LCP1: variants seen among roughly 807,000 people sequenced by gnomAD.
The protein encoded by LCP1 is plastin-2.
A neutral mutation model predicts 72.0 loss-of-function variants in LCP1; 23 were observed. That is an observed-to-expected ratio of 0.32 (90% confidence interval 0.23 to 0.45). The LOEUF (loss-of-function observed/expected upper bound fraction) is 0.45. Ranked by LOEUF, LCP1 falls within the 20% of genes least tolerant of loss-of-function variation. The pLI is 1.00. For synonymous variants in LCP1, 245 were observed against 275.4 expected, an observed-to-expected ratio of 0.89 and a Z score of 1.09; for missense variants, 571 against 748.3, an observed-to-expected ratio of 0.76 and a Z score of 2.76.
rs778844660 is a variant in LCP1 at position 46,159,626 on chromosome 13, C to T, written c.37G>A (p.Glu13Lys). Residue 13 changes from glutamate (E) to lysine (K), a missense_variant, in exon 2 of 16, where the codon GAG (glutamate) becomes AAG (lysine). Coordinates refer to ENST00000323076, the MANE Select transcript of LCP1 (RefSeq NM_002298.5). ...RGSVSDEEMM[E>K]LREAFAKVDT... is the part of the protein sequence containing the mutation. ...ACTTTGGCAAAAGCTTCTCTGAGCT[C>T]CATCATTTCCTCATCGGACACTGAT... 6.2e-7 allele frequency: 1 copy of T among 1,614,116 alleles called. No homozygotes were observed. Among genetic ancestry groups the T allele is most frequent in the South Asian group, 1.1e-5 (1 of 91,082 alleles).
rs777192347 is a variant in LCP1 at position 46,143,312 on chromosome 13, T to C, written c.1346A>G (p.Lys449Arg). The C allele has an allele frequency of 1.2e-6, 2 of 1,613,400 alleles. No homozygotes were observed. The highest frequency in any genetic ancestry group is 2.2e-5 in the South Asian group (2 of 91,074). ...TACCTTCTTCATATTGCCTCCCAGTTTGGGGTATGGCGGTTTGTTTACTCT... is the reference window on the plus strand; with the variant it reads ...TACCTTCTTCATATTGCCTCCCAGTCTGGGGTATGGCGGTTTGTTTACTCT... ...WNRVNKPPYP[K>R]LGGNMKKLEN... is the part of the protein sequence containing the mutation. The change falls in exon 12 of 16, where the codon AAA (lysine) becomes AGA (arginine). Residue 449 changes from lysine (K) to arginine (R), a missense_variant. Transcript: ENST00000323076.
At chr13:46,167,560 T>A (rs1001597960) in intron 1 of LCP1, among the ~76,000 whole-genome samples, 2 of 152,192 alleles carry the variant, frequency 1.3e-5, no homozygotes, top group Admixed American at 6.5e-5. Context: ...ATGCTCCTGA[T>A]ACTAACATCT....
chr13:46,167,355 T>A (rs1044103880), intron 1 of LCP1, among the ~76,000 whole-genome samples: 1 of 152,212 alleles, frequency 6.6e-6, no homozygotes, highest in African/African-American at 2.4e-5. Flanking sequence ...TGTCGCCAGC[T>A]AAGGAGTTCT....
chr13:46,150,658 T>A (rs377239539), intron 8 of LCP1, among the ~76,000 whole-genome samples: 1 of 152,192 alleles, frequency 6.6e-6, no homozygotes, highest in Non-Finnish European at 1.5e-5. Flanking sequence ...GACAGCAGAC[T>A]GTTCTCTTGC....
At chr13:46,141,092 T>C (rs2045694672) in intron 13 of LCP1, among the ~76,000 whole-genome samples, 1 of 151,794 alleles carries the variant, frequency 6.6e-6, no homozygotes, top group Non-Finnish European at 1.5e-5. Flanking sequence ...ATTCTATAAG[T>C]TCAACAAACC....
intron 10 of LCP1, 34 bp from the exon 11 acceptor site, chr13:46,144,554 C>A (rs373865130): frequency 3.3e-6 from 5 of 1,502,274 alleles, no homozygotes; most frequent in Non-Finnish European, 4.6e-6. Flanking sequence ...CTTTTGGGAC[C>A]GAAGAAAACA....
Position 46,163,642 on chromosome 13 carries a change from A to AC in LCP1, c.-24-3957_-24-3956insG, listed in dbSNP as rs1231596619. 1.8e-3 allele frequency among the ~76,000 whole-genome samples: 270 copies of AC among 152,006 alleles called. 1 individual carries two copies. The highest frequency in any genetic ancestry group is 6.1e-3 in the African/African-American group (254 of 41,448). On this transcript the variant is annotated intron_variant, in intron 1 of 15. Coordinates refer to ENST00000323076, the MANE Select transcript of LCP1 (RefSeq NM_002298.5). ...CCCAAGAATGATCAATTAAAAAAAA[A>AC]AAAAAAAAAACAATGAGTTATTAAG... is the stretch of plus-strand genomic sequence containing the variant.
chr13:46,137,393 C>T (rs536024973), intron 13 of LCP1, among the ~76,000 whole-genome samples: 16 of 152,050 alleles, frequency 1.1e-4, no homozygotes, highest in East Asian at 1.9e-4. Flanking sequence ...GAAAATTAGC[C>T]GGGTGTGGTG....
At chr13:46,168,509 C>T (rs537687265) in intron 1 of LCP1, 1 of 152,520 alleles carries the variant, frequency 6.6e-6, no homozygotes, top group Admixed American at 6.5e-5. Context: ...CCTCACTGGC[C>T]CCAGGCAGAT....
At chr13:46,148,513 G>T in intron 8 of LCP1, 66 bp from the exon 9 acceptor site, 1 of 987,828 alleles carries the variant, frequency 1.0e-6, no homozygotes, top group Non-Finnish European at 1.6e-6. Flanking sequence ...GCATAACAAT[G>T]ATTTCCCAAA....
At chr13:46,172,299 C>T (rs2045908299) in intron 1 of LCP1, among the ~76,000 whole-genome samples, 2 of 152,100 alleles carry the variant, frequency 1.3e-5, no homozygotes, top group Non-Finnish European at 2.9e-5. Context: ...GCCTGGCCAA[C>T]ATGGTGAAAA....
intron 13 of LCP1, among the ~76,000 whole-genome samples, chr13:46,135,124 GA>G (rs554047551): frequency 0.025 from 2,950 of 116,094 alleles, 190 homozygotes; most frequent in African/African-American, 0.081. Flanking sequence ...AAAAAAAAAA[GA>G]AAAAAAAAAA....
intron 10 of LCP1, among the ~76,000 whole-genome samples, chr13:46,145,468 G>T (rs2045723909): frequency 6.6e-6 from 1 of 152,106 alleles, no homozygotes; most frequent in African/African-American, 2.4e-5. Context: ...CATAACAATT[G>T]AGAAAATGTT....
intron 1 of LCP1, among the ~76,000 whole-genome samples, chr13:46,159,916 T>A (rs191416527): frequency 3.1e-4 from 47 of 152,350 alleles, no homozygotes; most frequent in Non-Finnish European, 5.0e-4. Context: ...CTATACAGAC[T>A]GCTCCTCACA....
At chr13:46,143,630 C>T (rs1364096054) in intron 11 of LCP1, among the ~76,000 whole-genome samples, 2 of 152,184 alleles carry the variant, frequency 1.3e-5, no homozygotes, top group African/African-American at 4.8e-5. Context: ...CCAACATATG[C>T]TGCCTCAGGA....
At chr13:46,144,564 A>G in intron 10 of LCP1, 44 bp from the exon 11 acceptor site, 1 of 1,438,856 alleles carries the variant, frequency 6.9e-7, no homozygotes, top group South Asian at 1.2e-5. Flanking sequence ...CGAAGAAAAC[A>G]TAGCTTTTTT....
chr13:46,181,628 T>C (rs559988887), intron 1 of LCP1, among the ~76,000 whole-genome samples: 2 of 152,282 alleles, frequency 1.3e-5, no homozygotes, highest in East Asian at 3.9e-4. Flanking sequence ...CTCTAGATAA[T>C]TTATCCACTA....
chr13:46,130,125 C>A (rs7331279), intron 15 of LCP1, among the ~76,000 whole-genome samples: 1 of 152,086 alleles, frequency 6.6e-6, no homozygotes, highest in East Asian at 1.9e-4. Flanking sequence ...TGCAGTACTT[C>A]GTTGTGGCAG....
In LCP1 at chr13:46,126,350, A is replaced by C. The variant is rs972093613; in HGVS notation, c.*1241T>G. 2 of 230,158 alleles carry C rather than the reference A, an allele frequency of 8.7e-6. No individual in the cohort carries two copies. Among genetic ancestry groups the C allele is most frequent in the African/African-American group, 4.4e-5 (2 of 45,150 alleles). 14.3% of individuals were successfully genotyped at this position (230,158 alleles called of 1,614,324 possible). ...CAACCTATGAGACCTGCTCAAATTCATACTGTTCTGGTTTTGCTTTGGAAT... is the reference window on the plus strand; with the variant it reads ...CAACCTATGAGACCTGCTCAAATTCCTACTGTTCTGGTTTTGCTTTGGAAT... On this transcript the variant is annotated 3_prime_UTR_variant, in exon 16 of 16. Coordinates refer to ENST00000323076, the MANE Select transcript of LCP1 (RefSeq NM_002298.5).
Sources: gnomAD v4.1 joint callset for allele counts (sites outside exome capture counted in the v4.1 genomes callset) on GRCh38, gnomAD v4.1.1 for gene constraint, MANE v1.5 for transcripts, NCBI Gene and HGNC (gene_info 2026-07-23, HGNC 2026-07-21) for gene names.